Variants in PTPRR observed in about 807,000 individuals in gnomAD.
The protein encoded by PTPRR is protein tyrosine phosphatase receptor type R.
PTPRR carries 38 observed loss-of-function variants against 77.2 expected under a neutral mutation model. That is an observed-to-expected ratio of 0.49 (90% CI 0.38 to 0.65). The LOEUF is 0.65. Ranked by LOEUF, PTPRR falls within the 30% of genes least tolerant of loss-of-function variation. PTPRR has a pLI of 0.00. For missense variants in PTPRR, 744 were observed against 799.2 expected (o/e 0.93, Z 0.83); for synonymous variants, 299 against 283.1 (o/e 1.06, Z -0.57).
At chr12:70,852,166 T>A (rs1158027663) in intron 2 of PTPRR, among the ~76,000 whole-genome samples, 2 of 151,968 alleles carry the variant, frequency 1.3e-5, no homozygotes, top group Admixed American at 6.6e-5. Context: ...GCTTTAAAAA[T>A]TTTTTTCAAG....
intron 2 of PTPRR, among the ~76,000 whole-genome samples, chr12:70,866,241 C>A (rs535901257): frequency 6.6e-6 from 1 of 152,004 alleles, no homozygotes. Context: ...TTAATGAATC[C>A]AGGAGGTGGT....
chr12:70,893,071 G>A lies in PTPRR; in HGVS notation c.59-94C>T, dbSNP rs375307003. The A allele has an allele frequency of 2.0e-5, 26 of 1,332,326 alleles. No individual in the cohort carries two copies. The African/African-American group carries it at 3.4e-4, about 17-fold the overall frequency. 82.5% of individuals were successfully genotyped at this position (1,332,326 alleles called of 1,614,324 possible). On this transcript the variant is annotated intron_variant, in intron 1 of 13. Coordinates refer to ENST00000283228, the MANE Select transcript of PTPRR (RefSeq NM_002849.4). ...GAAGAGGATTACCCTTTCTTGAGAGGCTTTAAGACTTGTGAAGGATTTAGG... is the reference window on the plus strand; with the variant it reads ...GAAGAGGATTACCCTTTCTTGAGAGACTTTAAGACTTGTGAAGGATTTAGG...
chr12:70,917,477 C>T (rs1020455924), intron 1 of PTPRR, among the ~76,000 whole-genome samples: 5 of 152,102 alleles, frequency 3.3e-5, no homozygotes, highest in Admixed American at 2.6e-4. Flanking sequence ...ACCACAACTT[C>T]CTTGTTAGGT....
At chr12:70,834,098 C>T (rs1892261778) in intron 2 of PTPRR, among the ~76,000 whole-genome samples, 1 of 152,120 alleles carries the variant, frequency 6.6e-6, no homozygotes, top group Non-Finnish European at 1.5e-5. Context: ...AGCACTGGGG[C>T]ACCAGAGACA....
intron 6 of PTPRR, among the ~76,000 whole-genome samples, chr12:70,724,858 T>G (rs1444517590): frequency 6.6e-6 from 1 of 152,192 alleles, no homozygotes; most frequent in Non-Finnish European, 1.5e-5. Flanking sequence ...TAATGGTGGC[T>G]ATTTTGGTGG....
At chr12:70,818,445 G>A (rs1022868802) in intron 2 of PTPRR, among the ~76,000 whole-genome samples, 1 of 152,078 alleles carries the variant, frequency 6.6e-6, no homozygotes, top group South Asian at 2.1e-4. Context: ...GGGAATATGA[G>A]AGCATTATTC....
chr12:70,853,781 C>A (rs1892609487), intron 2 of PTPRR, among the ~76,000 whole-genome samples: 1 of 152,128 alleles, frequency 6.6e-6, no homozygotes, highest in Admixed American at 6.6e-5. Flanking sequence ...CGCTCCGCCT[C>A]CCGCAAAATG....
chr12:70,919,850 A>T (rs1592833790), intron 1 of PTPRR, among the ~76,000 whole-genome samples: 2 of 152,164 alleles, frequency 1.3e-5, no homozygotes, highest in East Asian at 3.9e-4. Flanking sequence ...AATGTGAACC[A>T]TGTATTTCGA....
chr12:70,914,749 G>A (rs1334587021), intron 1 of PTPRR, among the ~76,000 whole-genome samples: 1 of 152,120 alleles, frequency 6.6e-6, no homozygotes, highest in Non-Finnish European at 1.5e-5. Context: ...CTTGAGCCCA[G>A]GAGGTCGAGG....
intron 9 of PTPRR, 64 bp downstream of exon 9, chr12:70,684,640 G>T: frequency 8.5e-7 from 1 of 1,171,808 alleles, no homozygotes; most frequent in South Asian, 1.4e-5. Flanking sequence ...CTAGGAAAAA[G>T]AAAATAAAAC....
chr12:70,698,250 A>T lies in PTPRR; in HGVS notation c.1279+15T>A, dbSNP rs766957746. On this transcript the variant is annotated intron_variant, in intron 8 of 13. Coordinates refer to ENST00000283228, the MANE Select transcript of PTPRR (RefSeq NM_002849.4). ...GCCCCCCATACAATGCAAATTATAA[A>T]ATCAAGAAGCTTACTTGGTAAAATG... The T allele has an allele frequency of 2.5e-6, 4 of 1,609,068 alleles. 1 individual carries two copies. The South Asian group carries it at 3.3e-5, about 13-fold the overall frequency.
chr12:70,834,491 G>T (rs1892268795), intron 2 of PTPRR, among the ~76,000 whole-genome samples: 1 of 152,098 alleles, frequency 6.6e-6, no homozygotes, highest in South Asian at 2.1e-4. Context: ...AAATGAGTTT[G>T]GTGTTGGCAT....
At chr12:70,673,031 CAAAAAAAA>C in intron 10 of PTPRR, 17 of 450,894 alleles carry the variant, frequency 3.8e-5, no homozygotes, top group Non-Finnish European at 4.8e-5. Flanking sequence ...CGGGCCAAAG[CAAAAAAAA>C]AAAAAAAAAA....
At chr12:70,675,205 C>T (rs1226327052) in intron 10 of PTPRR, among the ~76,000 whole-genome samples, 1 of 151,694 alleles carries the variant, frequency 6.6e-6, no homozygotes, top group African/African-American at 2.4e-5. Flanking sequence ...TTTCTGTGTC[C>T]TCTTGTAGGC....
At chr12:70,770,229 A>G (rs1171679138) in intron 2 of PTPRR, among the ~76,000 whole-genome samples, 1 of 150,570 alleles carries the variant, frequency 6.6e-6, no homozygotes, top group Non-Finnish European at 1.5e-5. Context: ...GGCAACCTAC[A>G]AAATGGGAGA....
At chr12:70,696,457 C>CACTGGATCTGGATTGGA (rs1487966271) in intron 8 of PTPRR, among the ~76,000 whole-genome samples, 7 of 152,164 alleles carry the variant, frequency 4.6e-5, no homozygotes, top group Non-Finnish European at 8.8e-5. Context: ...ATCCTGGTTT[C>CACTGGATCTGGATTGGA]ATCTGGATTG....
intron 2 of PTPRR, among the ~76,000 whole-genome samples, chr12:70,852,640 TA>T (rs1892589529): frequency 6.6e-6 from 1 of 152,162 alleles, no homozygotes; most frequent in African/African-American, 2.4e-5. Context: ...TGTGAGAATT[TA>T]GAAGAGGCAG....
At chr12:70,770,973 G>A in intron 2 of PTPRR, among the ~76,000 whole-genome samples, 1 of 139,070 alleles carries the variant, frequency 7.2e-6, no homozygotes, top group Non-Finnish European at 1.5e-5. Context: ...ATGAACACAG[G>A]AAGGGGAACA....
chr12:70,767,870 C>A lies in PTPRR; in HGVS notation c.358-3092G>T, dbSNP rs376460448. ...TCAGGATTAAGAAACTCACTCAAAA[C>A]CACTCAACTACATGGAAAATGAACA... On this transcript the variant is annotated intron_variant, in intron 2 of 13. Transcript: ENST00000283228. Among the ~76,000 whole-genome samples, 29 of 152,306 alleles carry A rather than the reference C, an allele frequency of 1.9e-4. No homozygotes were observed. The East Asian group carries it at 2.3e-3, about 12-fold the overall frequency.
Sources: allele counts gnomAD v4.1 joint callset (sites outside exome capture counted in the v4.1 genomes callset), GRCh38; gene constraint gnomAD v4.1.1; transcripts MANE v1.5; gene names NCBI Gene and HGNC (gene_info 2026-07-23, HGNC 2026-07-21).